Variants in NFIB observed in about 807,000 individuals in gnomAD.
NFIB encodes nuclear factor 1 B-type.
Under a neutral mutation model 61.5 loss-of-function variants are expected in NFIB, and 11 were observed. The ratio of observed to expected loss-of-function variants is 0.18; its 90% CI spans 0.11 to 0.30. NFIB has a LOEUF of 0.30. Ranked by LOEUF, NFIB falls within the 10% of genes least tolerant of loss-of-function variation. NFIB has a pLI of 1.00. For missense variants in NFIB, 471 were observed against 608.9 expected (o/e 0.77, Z 2.38); for synonymous variants, 260 against 216.5 (o/e 1.20, Z -1.76).
At chr9:14,263,802 T>C (rs898329774) in intron 2 of NFIB, among the ~76,000 whole-genome samples, 11 of 152,176 alleles carry the variant, frequency 7.2e-5, no homozygotes, top group Admixed American at 2.6e-4. Flanking sequence ...AAAGTGAAAG[T>C]ATATGGCGTA....
the NFIB span, among the ~76,000 whole-genome samples, chr9:14,518,284 A>G: frequency 0.73 from 110,715 of 151,978 alleles, 40,483 homozygotes; most frequent in Admixed American, 0.77. Flanking sequence ...ATAGAGGCTA[A>G]GTGTTTATGG....
At chr9:14,244,139 G>C (rs961309026) in intron 2 of NFIB, among the ~76,000 whole-genome samples, 5 of 152,144 alleles carry the variant, frequency 3.3e-5, no homozygotes, top group African/African-American at 1.2e-4. Flanking sequence ...TGGCTATTGT[G>C]TATGTCTCTT....
At chr9:14,194,769 T>C (rs535239686) in intron 2 of NFIB, among the ~76,000 whole-genome samples, 1 of 152,092 alleles carries the variant, frequency 6.6e-6, no homozygotes, top group Non-Finnish European at 1.5e-5. Flanking sequence ...ATCTTAGAAA[T>C]GGGATGACAG....
In NFIB at chr9:14,111,644, C is replaced by T. The variant is rs190468372; in HGVS notation, c.1467+1355G>A. ...GAACCATATTCTAGTAATTATAACT[C>T]ATTTCGTGTTATAACAATTTTAGAG... On this transcript the variant is annotated intron_variant, in intron 10 of 10. Transcript: ENST00000380953. Among the ~76,000 whole-genome samples the T allele has an allele frequency of 2.1e-3, 324 of 152,140 alleles. 3 individuals are homozygous for T. Among genetic ancestry groups the T allele is most frequent in the African/African-American group, 7.4e-3 (308 of 41,508 alleles).
intron 2 of NFIB, among the ~76,000 whole-genome samples, chr9:14,267,836 G>A (rs934703249): frequency 2.0e-5 from 3 of 152,080 alleles, no homozygotes; most frequent in Non-Finnish European, 2.9e-5. Flanking sequence ...CCTGTTTTAG[G>A]TTCTAAATAT....
At chr9:14,360,888 G>A (rs2061231818) in intron 1 of NFIB, among the ~76,000 whole-genome samples, 1 of 152,000 alleles carries the variant, frequency 6.6e-6, no homozygotes, top group Admixed American at 6.6e-5. Context: ...TGTACCTTTG[G>A]TTAATTTTGT....
exon 1 of NFIB, chr9:14,398,802 G>A (rs981159506): frequency 7.6e-6 from 4 of 528,434 alleles, no homozygotes; most frequent in Non-Finnish European, 1.3e-5. Flanking sequence ...TTATGGAGCA[G>A]AGCAAGCTGT....
At chr9:14,330,589 G>T (rs1431739968) in intron 1 of NFIB, among the ~76,000 whole-genome samples, 1 of 152,178 alleles carries the variant, frequency 6.6e-6, no homozygotes, top group Admixed American at 6.5e-5. Context: ...TAGAAAATGG[G>T]ATTTGATGAC....
At chr9:14,187,412 T>C (rs1483785877) in intron 2 of NFIB, among the ~76,000 whole-genome samples, 1 of 152,206 alleles carries the variant, frequency 6.6e-6, no homozygotes, top group Admixed American at 6.6e-5. Flanking sequence ...TGAAGACCTA[T>C]ATCTTCAGAT....
At position 14,377,004 on chromosome 9, in the gene NFIB, C is replaced by T. The variant is rs367988124; in HGVS notation, c.108+21520G>A. Reference sequence around the variant, plus strand: ...CTCAAGGCCAAAATTTCAATCTGACCAAAAAGATATACTGTATAAAATAAA... The same window carrying T: ...CTCAAGGCCAAAATTTCAATCTGACTAAAAAGATATACTGTATAAAATAAA... On this transcript the variant is annotated intron_variant, in intron 1 of 8. Transcript: ENST00000380934. Among the ~76,000 whole-genome samples the T allele has an allele frequency of 2.8e-4, 42 of 152,072 alleles. No homozygotes were observed. The South Asian group carries it at 8.7e-3, about 32-fold the overall frequency.
At chr9:14,122,027 T>C (rs1450654828) in intron 7 of NFIB, among the ~76,000 whole-genome samples, 1 of 152,164 alleles carries the variant, frequency 6.6e-6, no homozygotes, top group African/African-American at 2.4e-5. Context: ...TCTATTTTAA[T>C]ATTTCCCAAT....
At chr9:14,414,192 C>T in the NFIB span, among the ~76,000 whole-genome samples, 1 of 152,004 alleles carries the variant, frequency 6.6e-6, no homozygotes, top group African/African-American at 2.4e-5. Context: ...AATCCTAGCA[C>T]TTTGGGAGGC....
At position 14,333,964 on chromosome 9, in the gene NFIB, T is replaced by C. The variant is rs28404570; in HGVS notation, c.109-26444A>G. On this transcript the variant is annotated intron_variant, in intron 1 of 8. Coordinates refer to the NFIB transcript ENST00000380934. Reference sequence around the variant, plus strand: ...TTTGAACTTTACATAAGAAAAAGCATACAATATTTACTGTTATGTCTGAAT... The same window carrying C: ...TTTGAACTTTACATAAGAAAAAGCACACAATATTTACTGTTATGTCTGAAT... 2.6e-3 allele frequency among the ~76,000 whole-genome samples: 393 copies of C among 152,372 alleles called. 3 individuals carry two copies. The highest frequency in any genetic ancestry group is 9.2e-3 in the African/African-American group (384 of 41,588).
At chr9:14,529,981 T>C in the NFIB span, among the ~76,000 whole-genome samples, 9 of 152,300 alleles carry the variant, frequency 5.9e-5, no homozygotes, top group East Asian at 1.7e-3. Flanking sequence ...TGTACAGAAG[T>C]AGAATGGTGA....
Position 14,261,054 on chromosome 9 carries a change from C to T in NFIB, c.562+45935G>A, listed in dbSNP as rs149269385. 9.5e-3 allele frequency among the ~76,000 whole-genome samples: 1,440 copies of T among 152,286 alleles called. 32 individuals are homozygous for T. The highest frequency in any genetic ancestry group is 0.032 in the African/African-American group (1,347 of 41,548). ...AAAAGGGGCCGGGCACAGTGGCTCACGCCTATAATCCCAGCTCTTTGGGAG... is the reference window on the plus strand; with the variant it reads ...AAAAGGGGCCGGGCACAGTGGCTCATGCCTATAATCCCAGCTCTTTGGGAG... On this transcript the variant is annotated intron_variant, in intron 2 of 10. Transcript: ENST00000380953.
At chr9:14,410,229 C>A in the NFIB span, among the ~76,000 whole-genome samples, 1 of 151,458 alleles carries the variant, frequency 6.6e-6, no homozygotes, top group Non-Finnish European at 1.5e-5. Flanking sequence ...CAAAAAAAAT[C>A]ATTTTCCAAA....
chr9:14,166,107 C>T (rs2044757914), intron 3 of NFIB, among the ~76,000 whole-genome samples: 1 of 152,152 alleles, frequency 6.6e-6, no homozygotes, highest in Non-Finnish European at 1.5e-5. Context: ...TTTACATTGA[C>T]ATTTATGTCT....
chr9:14,396,290 G>T (rs1381960467), intron 1 of NFIB, among the ~76,000 whole-genome samples: 1 of 151,350 alleles, frequency 6.6e-6, no homozygotes, highest in Non-Finnish European at 1.5e-5. Flanking sequence ...CTTCCATATA[G>T]TTGAAAAGAG....
intron 1 of NFIB, among the ~76,000 whole-genome samples, chr9:14,374,980 G>A (rs1014432981): frequency 2.0e-5 from 3 of 152,104 alleles, no homozygotes; most frequent in Admixed American, 6.5e-5. Flanking sequence ...ATAGCAAAAG[G>A]CATAGTTTAG....
Sources: allele counts gnomAD v4.1 joint callset (sites outside exome capture counted in the v4.1 genomes callset), GRCh38; gene constraint gnomAD v4.1.1; transcripts MANE v1.5; gene names NCBI Gene and HGNC (gene_info 2026-07-23, HGNC 2026-07-21).